Variants in ARHGEF4 observed in about 807,000 individuals in gnomAD.
ARHGEF4 encodes the protein APC-stimulated guanine nucleotide exchange factor 1.
A neutral mutation model predicts 162.0 loss-of-function variants in ARHGEF4; 119 were observed. The observed-to-expected ratio is 0.73, with a 90% confidence interval of 0.63 to 0.86. ARHGEF4 has a LOEUF of 0.86. Among genes scored for constraint, ARHGEF4 ranks in the 40% least tolerant of loss-of-function variants. The probability of loss-of-function intolerance (pLI) is 0.00; values close to 1 mark genes in which losing one functional copy is unlikely to be tolerated. For synonymous variants in ARHGEF4, 1,014 were observed against 979.9 expected (o/e 1.03, Z -0.65); for missense variants, 2,488 against 2,456.0 (o/e 1.01, Z -0.28).
Position 130,849,536 on chromosome 2 carries a change from TA to T in ARHGEF4, c.39+12545del, listed in dbSNP as rs376837650. 2.7e-4 allele frequency among the ~76,000 whole-genome samples: 41 copies of T among 151,706 alleles called. 1 individual carries two copies. In the South Asian group the frequency reaches 8.6e-3, roughly 32 times the overall value. ...CTCAATCTCTAAGCAGAGGGACCAC[TA>T]TCACACACCTCCTTTCCATGATCTA... On this transcript the variant is annotated intron_variant, in intron 1 of 13. Transcript: ENST00000409359.
intron 6 of ARHGEF4, chr2:131,039,316 A>G (rs1184799641): frequency 4.9e-6 from 6 of 1,228,858 alleles, no homozygotes; most frequent in East Asian, 7.8e-5. Flanking sequence ...TCCAGGCGCT[A>G]GACATTTCCC....
At chr2:131,011,917 T>C in intron 4 of ARHGEF4, 1 of 702,356 alleles carries the variant, frequency 1.4e-6, no homozygotes, top group Non-Finnish European at 2.6e-6. Flanking sequence ...AGGTACGTGG[T>C]GGACAGATGA....
intron 4 of ARHGEF4, among the ~76,000 whole-genome samples, chr2:130,991,754 G>A (rs933925792): frequency 3.4e-4 from 52 of 152,308 alleles, no homozygotes; most frequent in African/African-American, 1.2e-3. Context: ...TGTGCAGCCC[G>A]AGCCTCCCAG....
Position 130,886,579 on chromosome 2 carries a change from G to T in ARHGEF4, c.40-27407G>T, listed in dbSNP as rs190285312. On this transcript the variant is annotated intron_variant, in intron 1 of 13. Transcript: ENST00000409359. The stretch of plus-strand genomic sequence containing the variant: ...ACCTGTAGTCCCAGCTACTTGGAAG[G>T]CTGAGTCAGGAGAATGGCGGGAACC... Among the ~76,000 whole-genome samples the T allele has an allele frequency of 1.6e-3, 246 of 151,774 alleles. 1 individual carries two copies. The highest frequency in any genetic ancestry group is 1.8e-3 in the Non-Finnish European group (124 of 67,968).
In ARHGEF4 at chr2:130,916,069, C is replaced by T; in HGVS notation, c.2123C>T (p.Ala708Val). Reference sequence around the variant, plus strand: ...GGCGATGGGGCTCTTCAGCGGGTGGCCCAGGCCGCAGAGCTTGGGAGAGTG... The same window carrying T: ...GGCGATGGGGCTCTTCAGCGGGTGGTCCAGGCCGCAGAGCTTGGGAGAGTG... Reference protein sequence around the residue: ...GAGDGALQRVAQAAELGRVLV... With the variant: ...GAGDGALQRVVQAAELGRVLV... Residue 708 changes from alanine to valine, a missense_variant, in exon 2 of 14, where the codon GCC (alanine) becomes GTC (valine). Around this residue, in one of 6 missense-constraint regions of ARHGEF4, gnomAD observed 1,642 missense variants for 1,481.5 expected, o/e 1.11. Coordinates refer to ENST00000409359, the MANE Select transcript of ARHGEF4 (RefSeq NM_001367493.1). 6.5e-7 allele frequency: 1 copy of T among 1,550,204 alleles called. No homozygotes were observed.
chr2:130,977,128 G>A (rs945004222), intron 4 of ARHGEF4, among the ~76,000 whole-genome samples: 1 of 150,658 alleles, frequency 6.6e-6, no homozygotes, highest in African/African-American at 2.4e-5. Context: ...ATGTGTTTGT[G>A]TGATGTCTGT....
rs1681390274 is a variant in ARHGEF4 at position 130,914,858 on chromosome 2, A to G, written c.912A>G (p.Leu304=). Residue 304 remains leucine (L), a synonymous_variant, in exon 2 of 14, where the codon CTA becomes CTG. Coordinates refer to ENST00000409359, the MANE Select transcript of ARHGEF4 (RefSeq NM_001367493.1). Reference sequence around the variant, plus strand: ...CTCCTTTGAGGACATCTTGCCTCCTACGCACCAACCGTCACCATAGTGCCC... The same window carrying G: ...CTCCTTTGAGGACATCTTGCCTCCTGCGCACCAACCGTCACCATAGTGCCC... The part of the protein sequence containing the change: ...CQPPLRTSCL[L]RTNRHHSAPE... The G allele has an allele frequency of 6.8e-7, 1 of 1,479,400 alleles. No individual in the cohort carries two copies. Among genetic ancestry groups the G allele is most frequent in the African/African-American group, 1.4e-5 (1 of 70,990 alleles). 91.6% of individuals were successfully genotyped at this position (1,479,400 alleles called of 1,614,324 possible). A position where few individuals can be genotyped will look rare whatever the true frequency, so the allele number is the denominator to read the frequency against.
chr2:130,856,438 A>T (rs1681792168), intron 1 of ARHGEF4, among the ~76,000 whole-genome samples: 1 of 152,244 alleles, frequency 6.6e-6, no homozygotes, highest in Non-Finnish European at 1.5e-5. Flanking sequence ...ATATAAAAAA[A>T]TGGAAATAAT....
intron 1 of ARHGEF4, among the ~76,000 whole-genome samples, chr2:130,894,459 A>G (rs1418664767): frequency 6.6e-6 from 1 of 152,128 alleles, no homozygotes; most frequent in Non-Finnish European, 1.5e-5. Flanking sequence ...GCCCTTTCTC[A>G]GTAAACAAGC....
At chr2:130,944,503 T>C (rs1423279568) in intron 3 of ARHGEF4, among the ~76,000 whole-genome samples, 4 of 152,238 alleles carry the variant, frequency 2.6e-5, no homozygotes, top group Admixed American at 1.3e-4. Flanking sequence ...TCTGTTGAGC[T>C]GTTTACATGC....
Position 131,046,212 on chromosome 2 carries a change from C to T in ARHGEF4, c.*23C>T, listed in dbSNP as rs376558859. The T allele has an allele frequency of 6.3e-6, 10 of 1,590,724 alleles. No homozygotes were observed. The African/African-American group carries it at 1.3e-4, about 21-fold the overall frequency. On this transcript the variant is annotated 3_prime_UTR_variant, in exon 14 of 14. Transcript: ENST00000409359. ...TGAACTGGTCCCTGCCTGACAGCACCTGCTGGGCCTTCCTGCCAGTGGCCC... is the reference window on the plus strand; with the variant it reads ...TGAACTGGTCCCTGCCTGACAGCACTTGCTGGGCCTTCCTGCCAGTGGCCC...
chr2:130,983,292 A>G (rs1317722471), intron 4 of ARHGEF4, among the ~76,000 whole-genome samples: 1 of 152,230 alleles, frequency 6.6e-6, no homozygotes, highest in Admixed American at 6.5e-5. Flanking sequence ...TAAGAACCTT[A>G]AAGTTAACTA....
Position 130,836,918 on chromosome 2 carries a change from T to C in ARHGEF4, c.-36T>C. Reference sequence around the variant, plus strand: ...GCCGGCTCGGCGGCGCGGCTCGTAGTGCTGCGGCCGGGCTCCGGGCGTCCC... The same window carrying C: ...GCCGGCTCGGCGGCGCGGCTCGTAGCGCTGCGGCCGGGCTCCGGGCGTCCC... On this transcript the variant is annotated 5_prime_UTR_variant, in exon 1 of 14. Transcript: ENST00000409359. The C allele has an allele frequency of 1.6e-6, 2 of 1,220,422 alleles. No individual in the cohort carries two copies. The highest frequency in any genetic ancestry group is 2.0e-6 in the Non-Finnish European group (2 of 980,904). The allele number at this position is 1,220,422 out of a possible 1,614,324, so 75.6% of individuals were successfully genotyped here.
intron 11 of ARHGEF4, 131 bp downstream of exon 11, chr2:131,043,714 G>GA (rs199524429): frequency 1.6e-5 from 16 of 1,006,042 alleles, no homozygotes; most frequent in Admixed American, 2.6e-5. Flanking sequence ...AGACCCTTGG[G>GA]GCTGGGATGG....
chr2:131,037,499 G>C (rs916068006), intron 5 of ARHGEF4, among the ~76,000 whole-genome samples: 1 of 152,176 alleles, frequency 6.6e-6, no homozygotes, highest in Non-Finnish European at 1.5e-5. Flanking sequence ...GAGCTCAGAG[G>C]AGGGCCTGTT....
intron 4 of ARHGEF4, among the ~76,000 whole-genome samples, chr2:131,024,128 T>A (rs1689318786): frequency 6.6e-6 from 1 of 152,238 alleles, no homozygotes; most frequent in Non-Finnish European, 1.5e-5. Flanking sequence ...GGTTCTTGGC[T>A]ATGAGATCAT....
intron 1 of ARHGEF4, among the ~76,000 whole-genome samples, chr2:130,844,488 G>T (rs537546096): frequency 1.3e-5 from 2 of 152,226 alleles, no homozygotes; most frequent in African/African-American, 4.8e-5. Flanking sequence ...TATCAGCCAC[G>T]TTTGTACCAC....
At position 131,016,144 on chromosome 2, in the gene ARHGEF4, A is replaced by G. The variant is rs1009702039; in HGVS notation, c.3986-11801A>G. ...AGATGCTGTCCCTGTTGCCTGGAACACTCTTCACCCCCCTTGCTACCCTGA... is the reference window on the plus strand; with the variant it reads ...AGATGCTGTCCCTGTTGCCTGGAACGCTCTTCACCCCCCTTGCTACCCTGA... On this transcript the variant is annotated intron_variant, in intron 4 of 13. Transcript: ENST00000409359. Among the ~76,000 whole-genome samples, 21 of 151,098 alleles carry G rather than the reference A, an allele frequency of 1.4e-4. 1 individual carries two copies. Among genetic ancestry groups the G allele is most frequent in the African/African-American group, 4.4e-4 (18 of 41,028 alleles).
chr2:130,953,260 A>G (rs1338543927), intron 4 of ARHGEF4, among the ~76,000 whole-genome samples: 1 of 152,196 alleles, frequency 6.6e-6, no homozygotes, highest in Non-Finnish European at 1.5e-5. Context: ...CCACACATCT[A>G]CAACCATCTG....
Sources: gnomAD v4.1 joint callset for allele counts (sites outside exome capture counted in the v4.1 genomes callset) on GRCh38, gnomAD v4.1.1 for gene constraint, gnomAD v4.1.1 regional missense constraint, MANE v1.5 for transcripts, NCBI Gene and HGNC (gene_info 2026-07-23, HGNC 2026-07-21) for gene names.